Variants in SBF1 observed in about 807,000 individuals in gnomAD.
SBF1 encodes myotubularin-related protein 5.
Under a neutral mutation model 215.8 loss-of-function variants are expected in SBF1, and 65 were observed. The ratio of observed to expected loss-of-function variants is 0.30; its 90% confidence interval spans 0.25 to 0.37. The LOEUF is 0.37. Ranked by LOEUF, SBF1 falls within the 10% of genes least tolerant of loss-of-function variation. The pLI is 1.00. For missense variants in SBF1, 2,634 were observed against 2,667.8 expected, an observed-to-expected ratio of 0.99 and a Z score of 0.28; for synonymous variants, 1,410 against 1,122.8, an observed-to-expected ratio of 1.26 and a Z score of -5.11.
intron 31 of SBF1, 24 bp from the exon 32 acceptor site, chr22:50,455,606 A>T: frequency 6.5e-7 from 1 of 1,546,780 alleles, no homozygotes; most frequent in Non-Finnish European, 8.8e-7. Flanking sequence ...CGGCCTCAGC[A>T]CCTCGGGGAC....
rs1484977915 is a variant in SBF1, at chr22:50,456,127, G to A, written c.4266+89C>T. 6 of 1,382,434 alleles carry A rather than the reference G, an allele frequency of 4.3e-6. No individual in the cohort carries two copies. The East Asian group carries it at 1.5e-4, about 34-fold the overall frequency. 85.6% of individuals were successfully genotyped at this position (1,382,434 alleles called of 1,614,324 possible). On this transcript the variant is annotated intron_variant, in intron 31 of 40. Transcript: ENST00000380817. Reference sequence around the variant, plus strand: ...CTCCTTCCAGCGCTCCACACTGTCAGACAAGCAAACCTAGACCCGTCCACT... The same window carrying A: ...CTCCTTCCAGCGCTCCACACTGTCAAACAAGCAAACCTAGACCCGTCCACT...
chr22:50,446,887 G>C lies in SBF1; in HGVS notation c.*255C>G. The C allele has an allele frequency of 2.7e-6, 2 of 744,974 alleles. No homozygotes were observed. The highest frequency in any genetic ancestry group is 4.9e-6 in the Non-Finnish European group (2 of 407,498). The allele number at this position is 744,974 out of a possible 1,614,324, so 46.1% of individuals were successfully genotyped here. On this transcript the variant is annotated 3_prime_UTR_variant, in exon 41 of 41. Coordinates refer to ENST00000380817, the MANE Select transcript of SBF1 (RefSeq NM_002972.4). ...TGGCTGGACCAGCACACGCTGACGGGGCCGGACTATTTACAGGCCCATTGC... is the reference window on the plus strand; with the variant it reads ...TGGCTGGACCAGCACACGCTGACGGCGCCGGACTATTTACAGGCCCATTGC...
rs775012366 is a variant in SBF1, at chr22:50,462,581, G to A, written c.2105C>T (p.Thr702Met). Reference protein sequence around the residue: ...THIRALYLEPTEDLAPAQEVG... With the variant: ...THIRALYLEPMEDLAPAQEVG... ...CACCTGGGCGGGGGCCAGGTCCTCC[G>A]TGGGCTCCAGGTAGAGGGCCCGGAT... The change falls in exon 18 of 41, where the codon ACG becomes ATG. Residue 702 changes from threonine (T) to methionine (M), a missense_variant. By Grantham distance (81) the Thr-to-Met change is moderately conservative. Transcript: ENST00000380817. 1.2e-5 allele frequency: 20 copies of A among 1,611,944 alleles called. No homozygotes were observed. Among genetic ancestry groups the A allele is most frequent in the Non-Finnish European group, 1.5e-5 (18 of 1,179,616 alleles).
rs992958690 is a variant in SBF1, at chr22:50,464,742, T to C, written c.1432-4A>G. The C allele has an allele frequency of 7.5e-6, 12 of 1,608,230 alleles. No homozygotes were observed. Among genetic ancestry groups the C allele is most frequent in the Non-Finnish European group, 1.0e-5 (12 of 1,177,610 alleles). ...CCACGGCTGGGTACGGGTTCTCCTG[T>C]GGGGAGACGGCAGGTGTGGGGCAGG... On this transcript the variant is annotated splice_region_variant and splice_polypyrimidine_tract_variant and intron_variant, in intron 13 of 40. Coordinates refer to ENST00000380817, the MANE Select transcript of SBF1 (RefSeq NM_002972.4).
At chr22:50,450,389 C>T (rs916443682) in intron 36 of SBF1, among the ~76,000 whole-genome samples, 11 of 152,042 alleles carry the variant, frequency 7.2e-5, no homozygotes, top group Middle Eastern at 3.4e-3. Context: ...GGCATGGTGG[C>T]GGGCACCTGT....
At position 50,451,353 on chromosome 22, in the gene SBF1, A is replaced by T. The variant is rs191398727; in HGVS notation, c.5044-2703T>A. On this transcript the variant is annotated intron_variant, in intron 36 of 40. Transcript: ENST00000380817. Reference sequence around the variant, plus strand: ...GAGCAAGACCCTGTCTCAAGAAATTAAAAAAAAATTCATTTGATGGGCTTC... The same window carrying T: ...GAGCAAGACCCTGTCTCAAGAAATTTAAAAAAAATTCATTTGATGGGCTTC... Among the ~76,000 whole-genome samples the T allele has an allele frequency of 1.5e-3, 226 of 151,750 alleles. 1 individual carries two copies. The highest frequency in any genetic ancestry group is 5.1e-3 in the African/African-American group (212 of 41,384).
At chr22:50,457,242 G>A in intron 28 of SBF1, 131 bp from the exon 29 acceptor site, 1 of 659,632 alleles carries the variant, frequency 1.5e-6, no homozygotes. Context: ...TCAGCCCCAA[G>A]TCCCTGATCG....
chr22:50,469,141 C>T (rs1474732996), intron 1 of SBF1, among the ~76,000 whole-genome samples: 2 of 152,208 alleles, frequency 1.3e-5, no homozygotes, highest in African/African-American at 4.8e-5. Context: ...TGGTCCAGGA[C>T]GACCACCGAA....
chr22:50,450,804 A>G (rs960712831), intron 36 of SBF1, among the ~76,000 whole-genome samples: 3 of 152,038 alleles, frequency 2.0e-5, no homozygotes, highest in Admixed American at 1.3e-4. Context: ...CCAAGACTCT[A>G]AGCTTAAAGA....
intron 31 of SBF1, 179 bp downstream of exon 31, chr22:50,456,035 CAG>C: frequency 3.0e-6 from 2 of 669,036 alleles, no homozygotes; most frequent in Non-Finnish European, 4.9e-6. Flanking sequence ...CAGCTGGCCC[CAG>C]CCAGGCCCAG....
Position 50,460,369 on chromosome 22 carries a change from G to C in SBF1, c.3186C>G (p.Thr1062=), listed in dbSNP as rs1173310438. The change falls in exon 25 of 41, where the codon ACC becomes ACG. Residue 1062 remains threonine, a synonymous_variant. Coordinates refer to ENST00000380817, the MANE Select transcript of SBF1 (RefSeq NM_002972.4). Reference sequence around the variant, plus strand: ...TGCGAGTGACATGCTGCCGCCCGATGGTCTTCTTGGCGTTCTTGACCAGGT... The same window carrying C: ...TGCGAGTGACATGCTGCCGCCCGATCGTCTTCTTGGCGTTCTTGACCAGGT... ...SRNLVKNAKK[T]IGRQHVTRKK... is the part of the protein sequence containing the mutation. 1.2e-6 allele frequency: 2 copies of C among 1,613,354 alleles called. No homozygotes were observed. Among genetic ancestry groups the C allele is most frequent in the East Asian group, 4.5e-5 (2 of 44,890 alleles).
At chr22:50,460,867 G>A (rs1246715083) in intron 23 of SBF1, among the ~76,000 whole-genome samples, 155 bp from the exon 24 acceptor site, 2 of 152,210 alleles carry the variant, frequency 1.3e-5, no homozygotes, top group Non-Finnish European at 2.9e-5. Flanking sequence ...GAAGGCAAGC[G>A]CTTGTGTAAA....
At position 50,456,263 on chromosome 22, in the gene SBF1, G is replaced by A. The variant is rs762587682; in HGVS notation, c.4219C>T (p.Pro1407Ser). 6.2e-7 allele frequency: 1 copy of A among 1,612,732 alleles called. No homozygotes were observed. The highest frequency in any genetic ancestry group is 8.5e-7 in the Non-Finnish European group (1 of 1,179,962). Residue 1407 changes from proline to serine, a missense_variant, in exon 31 of 41, where the codon CCA becomes TCA. By Grantham distance (74) the Pro-to-Ser change is moderately conservative. Coordinates refer to ENST00000380817, the MANE Select transcript of SBF1 (RefSeq NM_002972.4). The stretch of plus-strand genomic sequence containing the variant: ...TCCAGTGAGCGCAGGAAGGAGGCTG[G>A]GCTGGGCTCAGCAGCGGGGCAGCCT... ...VPGCPAAEPS[P>S]ASFLRSLEDS...
rs761531550 is a variant in SBF1 at position 50,463,305 on chromosome 22, C to T, written c.1877G>A (p.Arg626His). ...CACCTGCAGGCAGCAGTTCATCATACGGACGACAAAGTCAAACTGCTGGTG... is the reference window on the plus strand; with the variant it reads ...CACCTGCAGGCAGCAGTTCATCATATGGACGACAAAGTCAAACTGCTGGTG... ...LDHQQFDFVV[R>H]MMNCCLQDCT... The change falls in exon 16 of 41, where the codon CGT (arginine) becomes CAT (histidine). Residue 626 changes from arginine (R) to histidine (H), a missense_variant. Physicochemically the swap from Arg to His is conservative, Grantham distance 29 (BLOSUM62 0). Coordinates refer to ENST00000380817, the MANE Select transcript of SBF1 (RefSeq NM_002972.4). 9 of 1,613,528 alleles carry T rather than the reference C, an allele frequency of 5.6e-6. No homozygotes were observed. Among genetic ancestry groups the T allele is most frequent in the East Asian group, 2.2e-5 (1 of 44,874 alleles).
chr22:50,456,734 G>C, intron 29 of SBF1, 61 bp from the exon 30 acceptor site: 1 of 1,377,818 alleles, frequency 7.3e-7, no homozygotes, highest in Non-Finnish European at 9.6e-7. Flanking sequence ...ACCTGGGGCT[G>C]GCTGGGCCCG....
rs376316390 is a variant in SBF1, at chr22:50,467,618, G to A, written c.352C>T (p.Pro118Ser). 18 of 1,613,934 alleles carry A rather than the reference G, an allele frequency of 1.1e-5. No homozygotes were observed. Among genetic ancestry groups the A allele is most frequent in the African/African-American group, 4.0e-5 (3 of 74,906 alleles). The change falls in exon 4 of 41, where the codon CCC becomes TCC. Residue 118 changes from proline (P) to serine (S), a missense_variant. Physicochemically the swap from Pro to Ser is moderately conservative, Grantham distance 74. Coordinates refer to ENST00000380817, the MANE Select transcript of SBF1 (RefSeq NM_002972.4). ...GDEGGQTHLSPTAPAPSAQLF... is the reference protein window; with the variant it reads ...GDEGGQTHLSSTAPAPSAQLF... ...TGGGCAGATGGGGCAGGTGCTGTGG[G>A]AGACAGGTGGGTCTGGCCTCCCTCA...
intron 5 of SBF1, 71 bp downstream of exon 5, chr22:50,467,267 T>C: frequency 3.8e-6 from 5 of 1,320,324 alleles, no homozygotes; most frequent in Non-Finnish European, 5.4e-6. Flanking sequence ...CTGGCTGGGC[T>C]CCAAATACCT....
chr22:50,458,574 T>C (rs1019072974), intron 28 of SBF1, among the ~76,000 whole-genome samples: 1 of 152,132 alleles, frequency 6.6e-6, no homozygotes, highest in African/African-American at 2.4e-5. Context: ...TGTAAGTATA[T>C]AATGTGGTAT....
chr22:50,468,292 G>C, intron 2 of SBF1, 84 bp downstream of exon 2: 1 of 1,288,102 alleles, frequency 7.8e-7, no homozygotes, highest in East Asian at 2.5e-5. Flanking sequence ...CACTGTGGAG[G>C]CCCCTCAGTC....
Sources: allele counts gnomAD v4.1 joint callset (sites outside exome capture counted in the v4.1 genomes callset), GRCh38; gene constraint gnomAD v4.1.1; transcripts MANE v1.5; gene names NCBI Gene and HGNC (gene_info 2026-07-23, HGNC 2026-07-21).